The following HSD11B1 variants were observed in gnomAD, a reference collection of about 807,000 sequenced individuals.
HSD11B1 encodes the protein 11-beta-hydroxysteroid dehydrogenase 1.
HSD11B1 carries 15 observed loss-of-function variants against 22.1 expected under a neutral mutation model. The ratio of observed to expected loss-of-function variants is 0.68; its 90% confidence interval spans 0.45 to 1.04. The LOEUF is 1.04. HSD11B1 is among the 50% of genes least tolerant of loss of function. HSD11B1 has a pLI of 0.00. For missense variants in HSD11B1, 281 were observed against 357.6 expected (o/e 0.79, Z 1.73); for synonymous variants, 122 against 125.2 (o/e 0.97, Z 0.17).
chr1:209,702,442 C>A (rs2076831498), upstream of HSD11B1, among the ~76,000 whole-genome samples: 1 of 152,156 alleles, frequency 6.6e-6, no homozygotes, highest in Non-Finnish European at 1.5e-5. Context: ...AATGAGAGAA[C>A]CAGCCATGTA....
rs530123196 is a variant in HSD11B1, at chr1:209,696,742, T to C, written c.-48-8153T>C. Among the ~76,000 whole-genome samples the C allele has an allele frequency of 1.5e-3, 222 of 152,202 alleles. 1 individual carries two copies. The highest frequency in any genetic ancestry group is 5.1e-3 in the African/African-American group (212 of 41,524). ...AAGGGAGGAGGATATTTGGGGAGGT[T>C]AAAGTGGCAAGTGATACTTAATGAG... On this transcript the variant is annotated intron_variant, in intron 1 of 6. Transcript: ENST00000261465.
chr1:209,704,158 T>C (rs1444498918), upstream of HSD11B1, among the ~76,000 whole-genome samples: 1 of 152,214 alleles, frequency 6.6e-6, no homozygotes, highest in Non-Finnish European at 1.5e-5. Flanking sequence ...CCCAGTTTAA[T>C]AGTTTAGTGC....
intron 4 of HSD11B1, among the ~76,000 whole-genome samples, chr1:209,715,607 A>G (rs2076925187): frequency 6.6e-6 from 1 of 152,254 alleles, no homozygotes; most frequent in Non-Finnish European, 1.5e-5. Flanking sequence ...AGCCAAACCT[A>G]GAACCATTGA....
chr1:209,722,208 C>T lies in HSD11B1; in HGVS notation c.518-10228C>T, dbSNP rs2076971146. ...CTCCATTTCATATCCTGTCAACAGG[C>T]CCCATACCTGCATAGAAATATTCTT... On this transcript the variant is annotated intron_variant, in intron 4 of 5. Transcript: ENST00000367027. 2.0e-5 allele frequency among the ~76,000 whole-genome samples: 3 copies of T among 152,316 alleles called. No individual in the cohort carries two copies. The South Asian group carries it at 6.2e-4, about 32-fold the overall frequency.
intron 4 of HSD11B1, among the ~76,000 whole-genome samples, chr1:209,730,415 G>A (rs534543244): frequency 2.0e-5 from 3 of 152,172 alleles, no homozygotes; most frequent in African/African-American, 7.2e-5. Context: ...TGTAAAAGTT[G>A]CATGCCACCT....
chr1:209,693,790 G>A (rs943627347), intron 1 of HSD11B1, among the ~76,000 whole-genome samples: 4 of 152,162 alleles, frequency 2.6e-5, no homozygotes, highest in African/African-American at 9.7e-5. Context: ...TGCTTCTCAA[G>A]TGCCTCAAAA....
At chr1:209,731,407 C>G (rs1207172214) in intron 4 of HSD11B1, among the ~76,000 whole-genome samples, 1 of 151,910 alleles carries the variant, frequency 6.6e-6, no homozygotes, top group Non-Finnish European at 1.5e-5. Context: ...AAAATTAACA[C>G]CCATACAAGA....
At chr1:209,699,056 G>A (rs1030197107) in intron 1 of HSD11B1, among the ~76,000 whole-genome samples, 3 of 152,214 alleles carry the variant, frequency 2.0e-5, no homozygotes, top group Non-Finnish European at 2.9e-5. Context: ...ATGAAGGATT[G>A]ACAAATGAGA....
chr1:209,687,078 C>G (rs1441846562), intron 1 of HSD11B1, among the ~76,000 whole-genome samples: 1 of 152,184 alleles, frequency 6.6e-6, no homozygotes, highest in Non-Finnish European at 1.5e-5. Context: ...CCTTCACTTG[C>G]CATCAATAGA....
At position 209,710,263 on chromosome 1, in the gene HSD11B1, G is replaced by A. The variant is rs575318296; in HGVS notation, c.517+3135G>A. On this transcript the variant is annotated intron_variant, in intron 4 of 5. Transcript: ENST00000367027. ...GAAAAGTAAAGTTGGTTTCATTTTCGGGCTCCTGGGCTTGGTGAATCCCAT... is the reference window on the plus strand; with the variant it reads ...GAAAAGTAAAGTTGGTTTCATTTTCAGGCTCCTGGGCTTGGTGAATCCCAT... Among the ~76,000 whole-genome samples the A allele has an allele frequency of 1.4e-4, 22 of 152,152 alleles. No homozygotes were observed. The South Asian group carries it at 3.3e-3, about 23-fold the overall frequency.
chr1:209,705,892 TG>T lies in HSD11B1; in HGVS notation c.173del (p.Gly58GlufsTer6). 6.2e-7 allele frequency: 1 copy of T among 1,613,958 alleles called. No homozygotes were observed. The highest frequency in any genetic ancestry group is 8.5e-7 in the Non-Finnish European group (1 of 1,179,894). On this transcript the variant is annotated frameshift_variant, in exon 2 of 6. Coordinates refer to ENST00000367027, the MANE Select transcript of HSD11B1 (RefSeq NM_005525.4). LOFTEE classifies it high-confidence loss of function. ...GAGATGGCTTATCATCTGGCGAAGATGGGAGCCCATGTGGTGGTGACAGCGA... is the reference window on the plus strand; with the variant it reads ...GAGATGGCTTATCATCTGGCGAAGATGGAGCCCATGTGGTGGTGACAGCGA... ...GREMAYHLAK[M>X]GAHVVVTARS...
Position 209,698,597 on chromosome 1 carries a change from T to C in HSD11B1, c.-48-6298T>C, listed in dbSNP as rs545838134. On this transcript the variant is annotated intron_variant, in intron 1 of 6. Coordinates refer to the HSD11B1 transcript ENST00000261465. ...TGCCAATGTTTCAACAGACCTTCCA[T>C]TGAATAACTTTGTTTAGTTCTTACA... is the stretch of plus-strand genomic sequence containing the variant. Among the ~76,000 whole-genome samples the C allele has an allele frequency of 2.0e-5, 3 of 152,332 alleles. No individual in the cohort carries two copies. In the South Asian group the frequency reaches 6.2e-4, roughly 32 times the overall value.
chr1:209,721,469 C>CAA (rs3059693), intron 4 of HSD11B1, among the ~76,000 whole-genome samples: 23,538 of 101,422 alleles, frequency 0.23, 2,081 homozygotes, highest in Non-Finnish European at 0.27. Context: ...ATTTCAAAAG[C>CAA]AAAAAAAAAA....
intron 4 of HSD11B1, among the ~76,000 whole-genome samples, chr1:209,727,674 G>T (rs140605015): frequency 1.3e-5 from 2 of 152,158 alleles, no homozygotes; most frequent in Non-Finnish European, 2.9e-5. Flanking sequence ...TTTGAATCCT[G>T]CTTCTCCCAC....
Position 209,706,158 on chromosome 1 carries a change from G to A in HSD11B1, c.219+217G>A, listed in dbSNP as rs1431288991. On this transcript the variant is annotated intron_variant, in intron 2 of 5. Coordinates refer to ENST00000367027, the MANE Select transcript of HSD11B1 (RefSeq NM_005525.4). This position sits in a 1 kb window ranked among gnomAD's most constrained non-coding sequence, Gnocchi z 4.0. Reference sequence around the variant, plus strand: ...TGCATTTAAGCATTCATTCATGTGTGTGTGTGTAATATATTCTGCAACAGA... The same window carrying A: ...TGCATTTAAGCATTCATTCATGTGTATGTGTGTAATATATTCTGCAACAGA... 2.6e-5 allele frequency among the ~76,000 whole-genome samples: 4 copies of A among 152,284 alleles called. No homozygotes were observed. The East Asian group carries it at 5.8e-4, about 22-fold the overall frequency.
chr1:209,724,165 AGG>A (rs2076985894), intron 4 of HSD11B1: 1 of 152,222 alleles, frequency 6.6e-6, no homozygotes, highest in African/African-American at 2.4e-5. Context: ...GAGTTTCCAT[AGG>A]TGTGACACAA....
intron 1 of HSD11B1, 28 bp downstream of exon 1, chr1:209,705,058 G>A: frequency 6.4e-7 from 1 of 1,567,852 alleles, no homozygotes; most frequent in Non-Finnish European, 8.8e-7. Context: ...TCATTTTGGA[G>A]GAATAGGTTT....
Position 209,692,616 on chromosome 1 carries a change from G to GGA in HSD11B1, c.-49+6332_-49+6333insAG, listed in dbSNP as rs1553286744. On this transcript the variant is annotated intron_variant, in intron 1 of 6. Coordinates refer to the HSD11B1 transcript ENST00000261465. ...TCGGGTATTAAAATGGCGGGGGGGG[G>GGA]GGTGGGGGCTCGGTTCTTGCTAAAT... is the stretch of plus-strand genomic sequence containing the variant. Among the ~76,000 whole-genome samples the GGA allele has an allele frequency of 8.2e-4, 91 of 110,528 alleles. 7 individuals carry two copies. The highest frequency in any genetic ancestry group is 3.0e-3 in the African/African-American group (87 of 29,410). 72.5% of individuals were successfully genotyped at this position (110,528 alleles called of 152,430 possible).
intron 1 of HSD11B1, among the ~76,000 whole-genome samples, chr1:209,698,213 A>G (rs1417515960): frequency 1.3e-5 from 2 of 149,802 alleles, no homozygotes; most frequent in Non-Finnish European, 3.0e-5. Flanking sequence ...ATAGATAGAT[A>G]GATAGGAAGG....
Sources: gnomAD v4.1 joint callset for allele counts (sites outside exome capture counted in the v4.1 genomes callset) on GRCh38, gnomAD v4.1.1 for gene constraint, Gnocchi (gnomAD v3.1) non-coding constraint, MANE v1.5 for transcripts, NCBI Gene and HGNC (gene_info 2026-07-23, HGNC 2026-07-21) for gene names.